Variants in RRP12 observed in about 807,000 individuals in gnomAD.
RRP12 encodes ribosomal RNA processing 12 homolog.
In RRP12, 78 loss-of-function variants were observed where a neutral mutation model predicts 157.3. The observed-to-expected ratio is 0.50, with a 90% CI of 0.41 to 0.60. The LOEUF (loss-of-function observed/expected upper bound fraction) is 0.60. RRP12 is among the 20% of genes least tolerant of loss of function. RRP12 has a pLI of 0.00. For synonymous variants in RRP12, 726 were observed against 670.9 expected (o/e 1.08, Z -1.27); for missense variants, 1,521 against 1,679.9 (o/e 0.91, Z 1.65).
chr10:97,385,530 GA>G (rs199908030), intron 9 of RRP12, among the ~76,000 whole-genome samples: 7 of 146,912 alleles, frequency 4.8e-5, no homozygotes, highest in East Asian at 2.0e-4. Flanking sequence ...GGCCTTCTTT[GA>G]AAAAAAAAAA....
chr10:97,374,771 CAAA>C (rs775889963), intron 15 of RRP12, among the ~76,000 whole-genome samples: 1 of 90,658 alleles, frequency 1.1e-5, no homozygotes, highest in Non-Finnish European at 2.2e-5. Context: ...GACTCTGTCT[CAAA>C]AAAAAAAAAA....
In RRP12 at chr10:97,356,744, C is replaced by G; in HGVS notation, c.*350G>C. 4.3e-6 allele frequency: 1 copy of G among 234,728 alleles called. No individual in the cohort carries two copies. Among genetic ancestry groups the G allele is most frequent in the South Asian group, 1.0e-4 (1 of 9,684 alleles). 14.5% of individuals were successfully genotyped at this position (234,728 alleles called of 1,614,324 possible). A position where few individuals can be genotyped will look rare whatever the true frequency, so the allele number is the denominator to read the frequency against. On this transcript the variant is annotated 3_prime_UTR_variant, in exon 34 of 34. Coordinates refer to ENST00000370992, the MANE Select transcript of RRP12 (RefSeq NM_015179.4). ...TATTCTACATCTGGTCACAGTAAAT[C>G]TCACCCAGACCACAGGCAGGATGCC...
At chr10:97,379,148 G>T in intron 15 of RRP12, 145 bp downstream of exon 15, 2 of 978,040 alleles carry the variant, frequency 2.0e-6, no homozygotes, top group Non-Finnish European at 3.1e-6. Context: ...CTCCAGCACT[G>T]GCTGGCCACC....
intron 8 of RRP12, 105 bp downstream of exon 8, chr10:97,388,147 A>G: frequency 6.8e-7 from 1 of 1,466,260 alleles, no homozygotes; most frequent in Admixed American, 1.9e-5. Context: ...TTAAGAACAC[A>G]GTCAGGGAGG....
intron 20 of RRP12, chr10:97,371,409 C>T (rs557197468): frequency 1.2e-5 from 4 of 338,874 alleles, no homozygotes; most frequent in African/African-American, 6.2e-5. Context: ...TCTTCTCTCT[C>T]CTTCCAAGAC....
chr10:97,375,290 G>A (rs1013010795), intron 15 of RRP12, among the ~76,000 whole-genome samples: 1 of 150,398 alleles, frequency 6.6e-6, no homozygotes, highest in African/African-American at 2.5e-5. Flanking sequence ...TTTTTATAGA[G>A]ACAGGGTCTT....
chr10:97,383,833 C>A (rs1320733073), intron 10 of RRP12, among the ~76,000 whole-genome samples: 1 of 152,196 alleles, frequency 6.6e-6, no homozygotes, highest in Non-Finnish European at 1.5e-5. Flanking sequence ...CAGGGAGCGG[C>A]AAGAGGCAGG....
At chr10:97,359,446 G>A (rs543703230) in intron 31 of RRP12, among the ~76,000 whole-genome samples, 3 of 152,222 alleles carry the variant, frequency 2.0e-5, no homozygotes, top group South Asian at 4.2e-4. Flanking sequence ...TATCTCATTT[G>A]GGTTTCACAC....
chr10:97,385,082 CCTCGG>C, intron 10 of RRP12, 79 bp downstream of exon 10: 1 of 470,152 alleles, frequency 2.1e-6, no homozygotes, highest in Non-Finnish European at 3.1e-6. Flanking sequence ...GGACCCCCCA[CCTCGG>C]CAGCCTGGAC....
intron 25 of RRP12, among the ~76,000 whole-genome samples, chr10:97,367,725 G>T (rs1158173724): frequency 6.6e-6 from 1 of 152,148 alleles, no homozygotes; most frequent in Non-Finnish European, 1.5e-5. Flanking sequence ...CTAGGGGATA[G>T]GGTCCACGTC....
At chr10:97,385,547 A>G (rs1363867494) in intron 9 of RRP12, among the ~76,000 whole-genome samples, 1 of 151,406 alleles carries the variant, frequency 6.6e-6, no homozygotes, top group Non-Finnish European at 1.5e-5. Context: ...AAAAACGTAC[A>G]TTTTGCTAAC....
intron 6 of RRP12, among the ~76,000 whole-genome samples, chr10:97,389,371 C>G (rs1036379070): frequency 1.3e-5 from 2 of 151,834 alleles, no homozygotes; most frequent in African/African-American, 4.8e-5. Flanking sequence ...GGGATTACAG[C>G]CGTGAGCCAC....
intron 3 of RRP12, among the ~76,000 whole-genome samples, chr10:97,395,892 G>A (rs1844950373): frequency 6.6e-6 from 1 of 151,288 alleles, no homozygotes; most frequent in African/African-American, 2.4e-5. Flanking sequence ...CAGTTGCAGT[G>A]GCTCATGCCT....
intron 15 of RRP12, among the ~76,000 whole-genome samples, chr10:97,376,232 T>TTTTGG (rs1844302683): frequency 6.9e-6 from 1 of 145,376 alleles, no homozygotes; most frequent in African/African-American, 2.5e-5. Context: ...TTTTTTTTTT[T>TTTTGG]GAGATGAAGT....
intron 2 of RRP12, 120 bp from the exon 3 acceptor site, chr10:97,396,421 G>GGCAACA: frequency 2.5e-6 from 2 of 785,158 alleles, no homozygotes; most frequent in South Asian, 2.9e-5. Context: ...AGACAAGACA[G>GGCAACA]GCAACATTCA....
chr10:97,370,638 C>G (rs1844120870), intron 22 of RRP12, 78 bp from the exon 23 acceptor site: 1 of 1,587,896 alleles, frequency 6.3e-7, no homozygotes, highest in African/African-American at 1.3e-5. Flanking sequence ...CCACTCCCAT[C>G]ACTGCCCTCC....
At chr10:97,372,895 C>T in intron 18 of RRP12, 92 bp from the exon 19 acceptor site, 1 of 1,438,168 alleles carries the variant, frequency 7.0e-7, no homozygotes, top group Non-Finnish European at 9.6e-7. Flanking sequence ...GCCTCCCCAT[C>T]AGCCCCCAGC....
intron 23 of RRP12, 30 bp downstream of exon 23, chr10:97,370,425 A>T: frequency 6.6e-7 from 1 of 1,508,180 alleles, no homozygotes; most frequent in Non-Finnish European, 9.1e-7. Flanking sequence ...CTATGAGCAG[A>T]GTGTCCACCC....
rs41300219 is a variant in RRP12 at position 97,390,480 on chromosome 10, G to C, written c.696C>G (p.Pro232=). The change falls in exon 6 of 34, where the codon CCC becomes CCG. Residue 232 remains proline, a synonymous_variant. Transcript: ENST00000370992. ...RKQDLEAWGY[P]VTLQVYHGLL... is the part of the protein sequence containing the mutation. The stretch of plus-strand genomic sequence containing the variant: ...GCCCATGGTACACCTGAAGGGTCAC[G>C]GGGTAGCCCCAGGCCTCCAGGTCTT... 1 of 1,614,072 alleles carries C rather than the reference G, an allele frequency of 6.2e-7. No individual in the cohort carries two copies. The highest frequency in any genetic ancestry group is 8.5e-7 in the Non-Finnish European group (1 of 1,180,000).
Sources: allele counts gnomAD v4.1 joint callset (sites outside exome capture counted in the v4.1 genomes callset), GRCh38; gene constraint gnomAD v4.1.1; transcripts MANE v1.5; gene names NCBI Gene and HGNC (gene_info 2026-07-23, HGNC 2026-07-21).